PTPRC: variants seen among roughly 807,000 people sequenced by gnomAD.
The protein encoded by PTPRC is receptor-type tyrosine-protein phosphatase C.
PTPRC carries 44 observed loss-of-function variants against 155.9 expected under a neutral mutation model. That is an observed-to-expected ratio of 0.28 (90% CI 0.22 to 0.36). The LOEUF (loss-of-function observed/expected upper bound fraction) is 0.36, where lower values mean the gene tolerates loss of function less well. Among genes scored for constraint, PTPRC ranks in the 10% least tolerant of loss-of-function variants. PTPRC has a pLI of 1.00. For synonymous variants in PTPRC, 525 were observed against 533.1 expected (o/e 0.98, Z 0.21); for missense variants, 1,401 against 1,564.6 (o/e 0.90, Z 1.76).
chr1:198,703,692 G>A (rs1666585979), intron 7 of PTPRC: 2 of 399,812 alleles, frequency 5.0e-6, no homozygotes, highest in South Asian at 2.7e-5. Context: ...GCTGTCCATT[G>A]CAAGTGGTGA....
rs975594005 is a variant in PTPRC, at chr1:198,756,473, A to C, written c.*292A>C. 1.1e-5 allele frequency: 3 copies of C among 270,334 alleles called. No homozygotes were observed. Among genetic ancestry groups the C allele is most frequent in the Non-Finnish European group, 1.4e-5 (2 of 142,364 alleles). The allele number at this position is 270,334 out of a possible 1,614,324, so 16.7% of individuals were successfully genotyped here. ...GTGTATGGGTGTGTGTTTGTGTGAG[A>C]GACAGAGAAAGAGAGAGAATTCTTT... On this transcript the variant is annotated 3_prime_UTR_variant, in exon 33 of 33. Coordinates refer to ENST00000442510, the MANE Select transcript of PTPRC (RefSeq NM_002838.5).
At chr1:198,656,661 T>G (rs949826128) in intron 2 of PTPRC, among the ~76,000 whole-genome samples, 9 of 151,512 alleles carry the variant, frequency 5.9e-5, no homozygotes, top group African/African-American at 1.5e-4. Flanking sequence ...TTGTTTTTTT[T>G]TTTTTTGTCA....
At chr1:198,722,371 C>T (rs1653933463) in intron 14 of PTPRC, 45 bp from the exon 15 acceptor site, 1 of 995,052 alleles carries the variant, frequency 1.0e-6, no homozygotes, top group East Asian at 3.2e-5. Flanking sequence ...TATATAAATT[C>T]ACATTAGCAA....
chr1:198,698,595 T>A (rs1053669252), intron 4 of PTPRC, among the ~76,000 whole-genome samples: 3 of 151,980 alleles, frequency 2.0e-5, no homozygotes, highest in African/African-American at 7.2e-5. Flanking sequence ...ACAATGACCA[T>A]CCATGTGCAT....
In PTPRC at chr1:198,749,498, T is replaced by A. The variant is rs368408007; in HGVS notation, c.3021T>A (p.Asp1007Glu). The change falls in exon 28 of 33, where the codon GAT (aspartate) becomes GAA (glutamate). Residue 1007 changes from aspartate to glutamate, a missense_variant. Coordinates refer to ENST00000442510, the MANE Select transcript of PTPRC (RefSeq NM_002838.5). Reference protein sequence around the residue: ...SEHDSDESSDDDSDSEEPSKY... With the variant: ...SEHDSDESSDEDSDSEEPSKY... ...ATGATTCAGATGAATCCTCTGATGA[T>A]GACAGTGATTCAGAGGAACCAAGCA... The A allele has an allele frequency of 1.3e-5, 21 of 1,610,186 alleles. No individual in the cohort carries two copies. The highest frequency in any genetic ancestry group is 1.8e-5 in the Non-Finnish European group (21 of 1,177,538).
chr1:198,699,428 C>A, intron 4 of PTPRC, 136 bp from the exon 5 acceptor site: 1 of 1,069,118 alleles, frequency 9.4e-7, no homozygotes, highest in Non-Finnish European at 1.4e-6. Context: ...TAAATACTGA[C>A]AGACACATTT....
chr1:198,695,599 G>T (rs1040932000), intron 3 of PTPRC, among the ~76,000 whole-genome samples: 4 of 148,912 alleles, frequency 2.7e-5, no homozygotes, highest in Admixed American at 1.4e-4. Context: ...GTGCTGATTT[G>T]CCCTGCAGAA....
At chr1:198,747,649 C>A (rs1655193919) in intron 26 of PTPRC, among the ~76,000 whole-genome samples, 1 of 151,752 alleles carries the variant, frequency 6.6e-6, no homozygotes, top group African/African-American at 2.4e-5. Context: ...TAATTAGGAA[C>A]TGTGGGTGAG....
intron 2 of PTPRC, among the ~76,000 whole-genome samples, chr1:198,652,110 A>G (rs929426181): frequency 4.0e-5 from 6 of 151,822 alleles, no homozygotes; most frequent in Non-Finnish European, 7.4e-5. Context: ...AGGGCGCATC[A>G]GGTGTTTTGG....
At chr1:198,699,536 A>T in intron 4 of PTPRC, 28 bp from the exon 5 acceptor site, 1 of 1,613,984 alleles carries the variant, frequency 6.2e-7, no homozygotes, top group Non-Finnish European at 8.5e-7. Flanking sequence ...GGGAAGACTG[A>T]TGTAATGATC....
At chr1:198,690,018 A>G (rs1665843070) in intron 2 of PTPRC, among the ~76,000 whole-genome samples, 1 of 152,172 alleles carries the variant, frequency 6.6e-6, no homozygotes, top group Admixed American at 6.5e-5. Flanking sequence ...TAAGTGAACT[A>G]AATTAACTTG....
At chr1:198,692,468 T>C in intron 3 of PTPRC, 95 bp downstream of exon 3, 1 of 1,166,086 alleles carries the variant, frequency 8.6e-7, no homozygotes, top group Non-Finnish European at 1.1e-6. Context: ...ACTGAAATTA[T>C]TTTTAAGGAT....
At chr1:198,726,718 G>A (rs956715844) in intron 15 of PTPRC, among the ~76,000 whole-genome samples, 1 of 152,062 alleles carries the variant, frequency 6.6e-6, no homozygotes, top group Admixed American at 6.6e-5. Context: ...TAGAAAAACT[G>A]TCTCATGCTC....
At chr1:198,651,572 G>C (rs190845634) in intron 2 of PTPRC, among the ~76,000 whole-genome samples, 135 of 151,682 alleles carry the variant, frequency 8.9e-4, no homozygotes, top group Non-Finnish European at 1.6e-3. Flanking sequence ...GTACTTACTG[G>C]TGGTTAGCTA....
intron 2 of PTPRC, among the ~76,000 whole-genome samples, chr1:198,681,714 A>G (rs1007531440): frequency 2.0e-5 from 3 of 152,234 alleles, no homozygotes; most frequent in Admixed American, 2.0e-4. Flanking sequence ...TAAATATAAT[A>G]TTAGGTTTAA....
chr1:198,696,323 T>C (rs926505367), intron 3 of PTPRC, among the ~76,000 whole-genome samples: 2 of 152,034 alleles, frequency 1.3e-5, no homozygotes, highest in Admixed American at 1.3e-4. Context: ...CTACAACTTT[T>C]TAATTTTTTT....
intron 3 of PTPRC, among the ~76,000 whole-genome samples, chr1:198,696,504 T>C (rs1666210174): frequency 6.6e-6 from 1 of 152,140 alleles, no homozygotes; most frequent in Admixed American, 6.5e-5. Context: ...TATTTGTATA[T>C]ATGCATGCAT....
intron 13 of PTPRC, 40 bp downstream of exon 13, chr1:198,716,880 A>G: frequency 6.3e-7 from 1 of 1,593,840 alleles, no homozygotes; most frequent in Non-Finnish European, 8.6e-7. Context: ...ATAAATGGTA[A>G]AAAGCAAGGT....
At chr1:198,703,444 C>A (rs1376454886) in intron 7 of PTPRC, 72 bp downstream of exon 7, 1 of 1,604,312 alleles carries the variant, frequency 6.2e-7, no homozygotes, top group South Asian at 1.1e-5. Flanking sequence ...AAGGGCCTTC[C>A]ACCCACTCTA....
Sources: allele counts gnomAD v4.1 joint callset (sites outside exome capture counted in the v4.1 genomes callset), GRCh38; gene constraint gnomAD v4.1.1; transcripts MANE v1.5; gene names NCBI Gene and HGNC (gene_info 2026-07-23, HGNC 2026-07-21).